MAP9: variants seen among roughly 807,000 people sequenced by gnomAD.
MAP9 encodes the protein microtubule-associated protein 9.
A neutral mutation model predicts 75.2 loss-of-function variants in MAP9; 80 were observed. The ratio of observed to expected loss-of-function variants is 1.06; its 90% CI spans 0.89 to 1.28. The LOEUF (loss-of-function observed/expected upper bound fraction) is 1.28. Among genes scored for constraint, MAP9 ranks in the 50% most tolerant of loss-of-function variants. The probability of loss-of-function intolerance (pLI) is 0.00; values close to 1 mark genes in which losing one functional copy is unlikely to be tolerated. For missense variants in MAP9, 753 were observed against 719.9 expected (o/e 1.05, Z -0.53); for synonymous variants, 235 against 237.3 (o/e 0.99, Z 0.09).
chr4:155,368,373 A>G (rs1182350269), intron 5 of MAP9: 4 of 609,730 alleles, frequency 6.6e-6, no homozygotes, highest in South Asian at 2.0e-5. Flanking sequence ...CCTTAGTGGT[A>G]TGTAAAATAA....
rs1364578304 is a variant in MAP9, at chr4:155,344,379, A to C, written c.*3404T>G. 1 of 152,002 alleles carries C rather than the reference A, an allele frequency of 6.6e-6. No individual in the cohort carries two copies. Among genetic ancestry groups the C allele is most frequent in the Non-Finnish European group, 1.5e-5 (1 of 67,872 alleles). 9.4% of individuals were successfully genotyped at this position (152,002 alleles called of 1,614,324 possible). On this transcript the variant is annotated 3_prime_UTR_variant, in exon 14 of 14. Coordinates refer to ENST00000311277, the MANE Select transcript of MAP9 (RefSeq NM_001039580.2). Reference sequence around the variant, plus strand: ...ACTGGGACCCCTGATACTGAGATCTAACTCTAGATGTACCATAGTTAGTTG... The same window carrying C: ...ACTGGGACCCCTGATACTGAGATCTCACTCTAGATGTACCATAGTTAGTTG...
chr4:155,360,861 G>T, intron 6 of MAP9: 1 of 160,412 alleles, frequency 6.2e-6, no homozygotes, highest in East Asian at 1.8e-4. Flanking sequence ...TTGTATAGCT[G>T]CAGAAAGAAC....
At chr4:155,369,582 A>G (rs1390340085) in intron 4 of MAP9, among the ~76,000 whole-genome samples, 1 of 152,182 alleles carries the variant, frequency 6.6e-6, no homozygotes, top group Non-Finnish European at 1.5e-5. Context: ...AAACCTCATA[A>G]TCAACAAAGC....
chr4:155,362,679 T>G (rs1268859243), intron 5 of MAP9: 1 of 152,352 alleles, frequency 6.6e-6, no homozygotes, highest in Non-Finnish European at 1.5e-5. Context: ...CTGAAAATTC[T>G]ATCTGATATG....
intron 5 of MAP9, chr4:155,368,158 CA>C (rs1361768973): frequency 9.1e-6 from 2 of 219,290 alleles, no homozygotes; most frequent in African/African-American, 4.6e-5. Context: ...TGAATAAAAT[CA>C]AATAAATAAA....
intron 6 of MAP9, among the ~76,000 whole-genome samples, chr4:155,360,801 G>C (rs927946452): frequency 6.6e-6 from 1 of 151,962 alleles, no homozygotes; most frequent in African/African-American, 2.4e-5. Flanking sequence ...GCATAAGAAG[G>C]TGTCACACCT....
chr4:155,373,163 T>C lies in MAP9; in HGVS notation c.454A>G (p.Ile152Val), dbSNP rs746758233. ...GAAGATGTGCTTTTAATTGAAAGAA[T>C]TCTGGGTTTAGGTTTCATTTTTATT... ...DKIKMKPKPR[I>V]LSIKSTSSAE... Residue 152 changes from isoleucine to valine, a missense_variant, in exon 4 of 14, where the codon ATT becomes GTT. Ile to Val is a conservative substitution (Grantham distance 29). Coordinates refer to ENST00000311277, the MANE Select transcript of MAP9 (RefSeq NM_001039580.2). 3.6e-5 allele frequency: 56 copies of C among 1,571,334 alleles called. No homozygotes were observed. Among genetic ancestry groups the C allele is most frequent in the Non-Finnish European group, 4.7e-5 (55 of 1,159,786 alleles).
chr4:155,352,615 T>C lies in MAP9; in HGVS notation c.1802A>G (p.Asn601Ser). 1 of 1,571,244 alleles carries C rather than the reference T, an allele frequency of 6.4e-7. No homozygotes were observed. The highest frequency in any genetic ancestry group is 8.7e-7 in the Non-Finnish European group (1 of 1,154,154). Residue 601 changes from asparagine to serine, a missense_variant, in exon 13 of 14, where the codon AAT (asparagine) becomes AGT (serine). Transcript: ENST00000311277. ...EKKDKDKQAI[N>S]EYEKWLENKE... Reference sequence around the variant, plus strand: ...ACCTACCAGCCATTTTTCATATTCATTAATAGCTTGTTTATCTTTATCTTT... The same window carrying C: ...ACCTACCAGCCATTTTTCATATTCACTAATAGCTTGTTTATCTTTATCTTT...
intron 6 of MAP9, 89 bp from the exon 7 acceptor site, chr4:155,360,504 C>G: frequency 7.9e-7 from 1 of 1,273,392 alleles, no homozygotes; most frequent in Non-Finnish European, 1.1e-6. Context: ...TAAATGAGGA[C>G]TATCTATAAA....
chr4:155,352,070 C>T (rs749019045), intron 13 of MAP9, among the ~76,000 whole-genome samples: 15 of 151,944 alleles, frequency 9.9e-5, no homozygotes, highest in Non-Finnish European at 2.2e-4. Flanking sequence ...AATATATACA[C>T]ATATCTGGTT....
rs1164458297 is a variant in MAP9 at position 155,346,517 on chromosome 4, C to T, written c.*1266G>A. 2 of 152,134 alleles carry T rather than the reference C, an allele frequency of 1.3e-5. No homozygotes were observed. The highest frequency in any genetic ancestry group is 4.8e-5 in the African/African-American group (2 of 41,436). 9.4% of individuals were successfully genotyped at this position (152,134 alleles called of 1,614,324 possible). ...AAGGAGGCAGATTCAGTCAGACGTA[C>T]TGAATCCCGTTTGATCTCAACTCAG... On this transcript the variant is annotated 3_prime_UTR_variant, in exon 14 of 14. Transcript: ENST00000311277.
chr4:155,350,605 T>C (rs1413240669), intron 13 of MAP9, among the ~76,000 whole-genome samples: 1 of 151,986 alleles, frequency 6.6e-6, no homozygotes, highest in Non-Finnish European at 1.5e-5. Flanking sequence ...TTTTAGAACA[T>C]AGCATTATTT....
intron 3 of MAP9, 53 bp from the exon 4 acceptor site, chr4:155,373,509 G>C (rs1732699321): frequency 2.4e-6 from 3 of 1,230,084 alleles, no homozygotes; most frequent in African/African-American, 3.1e-5. Context: ...AAATTGTCAA[G>C]GTTACGTTAA....
chr4:155,376,015 T>C (rs1266801507), intron 1 of MAP9, 101 bp from the exon 2 acceptor site: 9 of 509,944 alleles, frequency 1.8e-5, no homozygotes, highest in Non-Finnish European at 2.8e-5. Flanking sequence ...GCATCTGATA[T>C]GAACATTGGG....
Position 155,355,102 on chromosome 4 carries a change from T to C in MAP9, c.1349A>G (p.Glu450Gly), listed in dbSNP as rs763137064. ...LHEMHRIKRI[E>G]SENLRIQNEQ... ...ATTTTGGATCCTTAAGTTTTCACTT[T>C]CAATTCTTTTTATTCTGTGCATTTC... Residue 450 changes from glutamate to glycine, a missense_variant, in exon 10 of 14, where the codon GAA becomes GGA. By Grantham distance (98) the Glu-to-Gly change is moderately conservative. Coordinates refer to ENST00000311277, the MANE Select transcript of MAP9 (RefSeq NM_001039580.2). 2.1e-6 allele frequency: 3 copies of C among 1,414,666 alleles called. No individual in the cohort carries two copies. The highest frequency in any genetic ancestry group is 1.5e-5 in the African/African-American group (1 of 66,000). The allele number at this position is 1,414,666 out of a possible 1,614,324, so 87.6% of individuals were successfully genotyped here. A position where few individuals can be genotyped will look rare whatever the true frequency, so the allele number is the denominator to read the frequency against.
Position 155,361,909 on chromosome 4 carries a change from C to T in MAP9, c.802+139G>A, listed in dbSNP as rs180849583. 35 of 558,772 alleles carry T rather than the reference C, an allele frequency of 6.3e-5. No homozygotes were observed. In the African/African-American group the frequency reaches 6.8e-4, roughly 11 times the overall value. 34.6% of individuals were successfully genotyped at this position (558,772 alleles called of 1,614,324 possible). A position where few individuals can be genotyped will look rare whatever the true frequency, so the allele number is the denominator to read the frequency against. ...TGCATCCAAAATCACAGTTAGTTAA[C>T]TACATAGTCAGGATTAAAACTCAAA... On this transcript the variant is annotated intron_variant, in intron 6 of 13. Coordinates refer to ENST00000311277, the MANE Select transcript of MAP9 (RefSeq NM_001039580.2).
intron 13 of MAP9, among the ~76,000 whole-genome samples, chr4:155,350,578 G>A (rs1731468344): frequency 6.6e-6 from 1 of 151,874 alleles, no homozygotes; most frequent in Non-Finnish European, 1.5e-5. Flanking sequence ...CTTAATATAA[G>A]TGGACTTTAA....
At chr4:155,364,029 AC>A (rs551700206) in intron 5 of MAP9, among the ~76,000 whole-genome samples, 35 of 152,122 alleles carry the variant, frequency 2.3e-4, no homozygotes, top group Non-Finnish European at 4.9e-4. Flanking sequence ...AGAAAGCTAG[AC>A]CCAGGCACCA....
chr4:155,370,154 C>A (rs1459158382), intron 4 of MAP9, among the ~76,000 whole-genome samples: 1 of 152,122 alleles, frequency 6.6e-6, no homozygotes, highest in East Asian at 1.9e-4. Context: ...CTCTATTATC[C>A]CCTAAATCCA....
Sources: gnomAD v4.1 joint callset for allele counts (sites outside exome capture counted in the v4.1 genomes callset) on GRCh38, gnomAD v4.1.1 for gene constraint, MANE v1.5 for transcripts, NCBI Gene and HGNC (gene_info 2026-07-23, HGNC 2026-07-21) for gene names.